PCDHA7: variants seen among roughly 807,000 people sequenced by gnomAD.
The protein encoded by PCDHA7 is protocadherin alpha-7.
In PCDHA7, 37 loss-of-function variants were observed where a neutral mutation model predicts 57.2. The observed-to-expected ratio is 0.65, with a 90% CI of 0.50 to 0.85. The LOEUF (loss-of-function observed/expected upper bound fraction) is 0.85, where lower values mean the gene tolerates loss of function less well. PCDHA7 is among the 40% of genes least tolerant of loss of function. The pLI, the probability that PCDHA7 is intolerant of heterozygous loss-of-function variation, is 0.00. For missense variants in PCDHA7, 1,188 were observed against 1,241.8 expected, an observed-to-expected ratio of 0.96 and a Z score of 0.65; for synonymous variants, 553 against 558.8, an observed-to-expected ratio of 0.99 and a Z score of 0.15.
At position 140,850,402 on chromosome 5, in the gene PCDHA7, C is replaced by T. The variant is rs2150482432; in HGVS notation, c.2355+13664C>T. On this transcript the variant is annotated intron_variant, in intron 1 of 3. Coordinates refer to ENST00000525929, the MANE Select transcript of PCDHA7 (RefSeq NM_018910.3). ...ACGGGCGAGATCAGCACAACGCGTG[C>T]CCTGGACGAAACGGACGCACCGCGC... 60 of 1,597,956 alleles carry T rather than the reference C, an allele frequency of 3.8e-5. 2 individuals carry two copies. The East Asian group carries it at 1.1e-3, about 30-fold the overall frequency.
At chr5:140,967,498 T>A (rs1554229623) in intron 1 of PCDHA7, 3 of 1,613,108 alleles carry the variant, frequency 1.9e-6, no homozygotes, top group Non-Finnish European at 2.5e-6. Flanking sequence ...CACAGATCTC[T>A]GTGCGTGTCC....
intron 1 of PCDHA7, chr5:140,882,487 C>G: frequency 6.2e-7 from 1 of 1,614,054 alleles, no homozygotes; most frequent in Non-Finnish European, 8.5e-7. Flanking sequence ...GACACGGGGA[C>G]CTTCTGGAGG....
chr5:140,989,733 C>T (rs31874), intron 3 of PCDHA7, among the ~76,000 whole-genome samples: 120,660 of 152,102 alleles, frequency 0.79, 48,852 homozygotes, highest in East Asian at 0.98. Context: ...GTTGAAAAGG[C>T]CATTGCCTAA....
chr5:140,935,527 C>G (rs956168876), intron 1 of PCDHA7, among the ~76,000 whole-genome samples: 4 of 152,172 alleles, frequency 2.6e-5, no homozygotes, highest in Non-Finnish European at 5.9e-5. Context: ...CATGTACAGT[C>G]AAATTATTGT....
At chr5:140,967,029 G>C (rs1554229079) in intron 1 of PCDHA7, 4 of 1,608,938 alleles carry the variant, frequency 2.5e-6, no homozygotes, top group East Asian at 2.2e-5. Flanking sequence ...CCCAGTCCGC[G>C]CTACCTGGAG....
intron 1 of PCDHA7, chr5:140,848,643 C>CAGG (rs2150415990): frequency 1.3e-6 from 2 of 1,593,132 alleles, no homozygotes; most frequent in African/African-American, 2.7e-5. Context: ...CCGCATCGCG[C>CAGG]AGGACCTGGG....
At chr5:140,854,870 CTG>C (rs2043251909) in intron 1 of PCDHA7, among the ~76,000 whole-genome samples, 1 of 149,668 alleles carries the variant, frequency 6.7e-6, no homozygotes, top group African/African-American at 2.4e-5. Flanking sequence ...TATTTCAGAA[CTG>C]TGTCTTTTGG....
Position 140,858,252 on chromosome 5 carries a change from C to A in PCDHA7, c.2355+21514C>A, listed in dbSNP as rs1554151333. On this transcript the variant is annotated intron_variant, in intron 1 of 3. Coordinates refer to ENST00000525929, the MANE Select transcript of PCDHA7 (RefSeq NM_018910.3). The stretch of plus-strand genomic sequence containing the variant: ...GAGGGCGCATGTGGGCCGGTGAAGC[C>A]CACGCTGGTGTGCTCTAGCGCGGTG... 3 of 1,596,744 alleles carry A rather than the reference C, an allele frequency of 1.9e-6. 1 individual carries two copies. The Admixed American group carries it at 5.1e-5, about 27-fold the overall frequency.
At chr5:140,927,193 C>G in intron 1 of PCDHA7, 1 of 1,614,186 alleles carries the variant, frequency 6.2e-7, no homozygotes, top group South Asian at 1.1e-5. Context: ...CGACCTGGTG[C>G]TCGAGGACCC....
rs1554168160 is a variant in PCDHA7 at position 140,875,992 on chromosome 5, CT to C, written c.2355+39255del. 5 of 1,613,752 alleles carry C rather than the reference CT, an allele frequency of 3.1e-6. No homozygotes were observed. In the Admixed American group the frequency reaches 8.3e-5, roughly 27 times the overall value. On this transcript the variant is annotated intron_variant, in intron 1 of 3. Transcript: ENST00000525929. ...CTCTCTTTTGACCTATGCGTTAAGT[CT>C]AAATGAGAATTTTGAGCTTAAAATA...
intron 1 of PCDHA7, among the ~76,000 whole-genome samples, chr5:140,962,051 T>G (rs1352018533): frequency 6.6e-6 from 1 of 151,838 alleles, no homozygotes; most frequent in East Asian, 1.9e-4. Context: ...GCCTGGCTAA[T>G]TTTTTTGTAT....
At chr5:140,856,763 C>G (rs1004781576) in intron 1 of PCDHA7, 3 of 1,596,086 alleles carry the variant, frequency 1.9e-6, no homozygotes, top group Admixed American at 1.7e-5. Flanking sequence ...TGATAACGCC[C>G]CTATCTTTGA....
At chr5:140,879,025 A>G (rs557183400) in intron 1 of PCDHA7, among the ~76,000 whole-genome samples, 36 of 152,342 alleles carry the variant, frequency 2.4e-4, no homozygotes, top group African/African-American at 8.7e-4. Flanking sequence ...TGTTTTATTG[A>G]AGAGTGTCTT....
intron 1 of PCDHA7, among the ~76,000 whole-genome samples, chr5:140,940,470 AT>A (rs201096499): frequency 2.7e-5 from 4 of 149,646 alleles, no homozygotes; most frequent in South Asian, 2.1e-4. Flanking sequence ...GTTCCCTGCA[AT>A]TTTTTTTTTC....
intron 1 of PCDHA7, among the ~76,000 whole-genome samples, chr5:140,975,597 T>C (rs2096674133): frequency 6.6e-6 from 1 of 152,242 alleles, no homozygotes; most frequent in Non-Finnish European, 1.5e-5. Context: ...GAGGGCAATT[T>C]GTTGATGTCT....
intron 1 of PCDHA7, chr5:140,851,769 T>C: frequency 1.0e-6 from 1 of 967,128 alleles, no homozygotes; most frequent in Non-Finnish European, 1.2e-6. Flanking sequence ...ATTACCCTTA[T>C]GAATTTAGAT....
intron 1 of PCDHA7, chr5:140,856,153 C>T: frequency 1.3e-6 from 2 of 1,598,310 alleles, no homozygotes; most frequent in Non-Finnish European, 1.7e-6. Flanking sequence ...ACTCAGTCTA[C>T]GAGGAGGCCA....
At chr5:140,883,476 A>G (rs782692069) in intron 1 of PCDHA7, 7 of 1,614,082 alleles carry the variant, frequency 4.3e-6, no homozygotes, top group Admixed American at 3.3e-5. Flanking sequence ...ACCTACAAGA[A>G]CTACTACTCA....
Position 140,852,587 on chromosome 5 carries a change from T to TTA in PCDHA7, c.2355+15850_2355+15851insAT, listed in dbSNP as rs201827177. On this transcript the variant is annotated intron_variant, in intron 1 of 3. Coordinates refer to ENST00000525929, the MANE Select transcript of PCDHA7 (RefSeq NM_018910.3). ...CACTGTGCCAAGGCTTTTTTATTTTTTTTTTTTGTCATTTTCTTTCAAAAC... is the reference window on the plus strand; with the variant it reads ...CACTGTGCCAAGGCTTTTTTATTTTTTATTTTTTTGTCATTTTCTTTCAAAAC... The TTA allele has an allele frequency of 1.9e-3, 1,677 of 881,866 alleles. 105 individuals carry two copies. The African/African-American group carries it at 0.023, about 12-fold the overall frequency. 54.6% of individuals were successfully genotyped at this position (881,866 alleles called of 1,614,324 possible). A position where few individuals can be genotyped will look rare whatever the true frequency, so the allele number is the denominator to read the frequency against.
Sources: gnomAD v4.1 joint callset for allele counts (sites outside exome capture counted in the v4.1 genomes callset) on GRCh38, gnomAD v4.1.1 for gene constraint, MANE v1.5 for transcripts, NCBI Gene and HGNC (gene_info 2026-07-23, HGNC 2026-07-21) for gene names.